Variants in FAM53A observed in about 807,000 individuals in gnomAD.
The protein encoded by FAM53A is family with sequence similarity 53 member A, also known as protein FAM53A.
A neutral mutation model predicts 26.6 loss-of-function variants in FAM53A; 28 were observed. The observed-to-expected ratio is 1.05, with a 90% CI of 0.78 to 1.45. The LOEUF (loss-of-function observed/expected upper bound fraction) is 1.45, where lower values mean the gene tolerates loss of function less well. FAM53A is among the 40% of genes most tolerant of loss of function. The pLI, the probability that FAM53A is intolerant of heterozygous loss-of-function variation, is 0.00. For missense variants in FAM53A, 650 were observed against 575.8 expected (o/e 1.13, Z -1.32); for synonymous variants, 290 against 253.1 (o/e 1.15, Z -1.38).
chr4:1,601,186 G>A, the FAM53A span, among the ~76,000 whole-genome samples: 14 of 152,162 alleles, frequency 9.2e-5, 1 homozygote, highest in East Asian at 5.8e-4. Context: ...GGCTGCCAAC[G>A]GGCAGGGCCA....
intron 1 of FAM53A, among the ~76,000 whole-genome samples, chr4:1,678,482 G>A (rs1715190784): frequency 1.3e-5 from 2 of 152,206 alleles, no homozygotes; most frequent in Non-Finnish European, 2.9e-5. Flanking sequence ...AGAGAACAGA[G>A]AGTCTTTTCA....
intron 1 of FAM53A, among the ~76,000 whole-genome samples, chr4:1,618,652 CT>C (rs1308653347): frequency 2.0e-5 from 3 of 152,206 alleles, no homozygotes; most frequent in Admixed American, 1.3e-4. Flanking sequence ...CCAAAGATGC[CT>C]TTCCCTTCTG....
chr4:1,681,195 C>T (rs1424637090), intron 1 of FAM53A, among the ~76,000 whole-genome samples: 2 of 152,088 alleles, frequency 1.3e-5, no homozygotes, highest in Non-Finnish European at 2.9e-5. Context: ...CTCCCGAGTT[C>T]AAGTGATTCT....
chr4:1,629,510 A>ATGGCCT (rs1178600703), intron 1 of FAM53A, among the ~76,000 whole-genome samples: 1 of 152,198 alleles, frequency 6.6e-6, no homozygotes, highest in Non-Finnish European at 1.5e-5. Flanking sequence ...GCCACTGGCC[A>ATGGCCT]TGGCCTTGGC....
chr4:1,598,978 T>C, the FAM53A span, among the ~76,000 whole-genome samples: 1 of 152,270 alleles, frequency 6.6e-6, no homozygotes, highest in African/African-American at 2.4e-5. Context: ...CTCTCCTCTC[T>C]GTAGCGTGCG....
intron 1 of FAM53A, among the ~76,000 whole-genome samples, chr4:1,682,610 GA>G (rs1189960939): frequency 6.6e-6 from 1 of 152,012 alleles, no homozygotes; most frequent in African/African-American, 2.4e-5. Context: ...ATGCACCGGT[GA>G]AAAATACCTG....
the FAM53A span, among the ~76,000 whole-genome samples, chr4:1,600,593 G>A: frequency 2.6e-5 from 4 of 152,290 alleles, no homozygotes; most frequent in East Asian, 1.9e-4. Flanking sequence ...TGCTGTGGCC[G>A]GCACACTGCG....
At chr4:1,628,918 A>G (rs577724313) in intron 1 of FAM53A, among the ~76,000 whole-genome samples, 20 of 151,842 alleles carry the variant, frequency 1.3e-4, no homozygotes, top group African/African-American at 4.6e-4. Flanking sequence ...GTAGCCCAAG[A>G]TAAGGGGGCC....
At chr4:1,678,407 C>T (rs798732) in intron 1 of FAM53A, among the ~76,000 whole-genome samples, 149,431 of 152,360 alleles carry the variant, frequency 0.98, 73,348 homozygotes, top group East Asian at 1. Flanking sequence ...ACAGGCAGAA[C>T]AGAGAGCCCA....
At chr4:1,631,982 A>G (rs1480377848) in intron 1 of FAM53A, among the ~76,000 whole-genome samples, 3 of 151,976 alleles carry the variant, frequency 2.0e-5, no homozygotes, top group Admixed American at 2.0e-4. Flanking sequence ...GGCCAACATG[A>G]TGAAACCCCG....
At chr4:1,636,269 T>C (rs371981743), downstream of FAM53A, among the ~76,000 whole-genome samples, 6 of 152,198 alleles carry the variant, frequency 3.9e-5, no homozygotes, top group East Asian at 1.9e-4. Flanking sequence ...CCCCATTCCA[T>C]AGACACCCCT....
chr4:1,585,594 ACC>A, the FAM53A span, among the ~76,000 whole-genome samples: 5 of 151,256 alleles, frequency 3.3e-5, no homozygotes, highest in Admixed American at 6.6e-5. Flanking sequence ...CAATGTCTCT[ACC>A]CTCTACATCT....
At chr4:1,617,024 C>A (rs1714835207), downstream of FAM53A, among the ~76,000 whole-genome samples, 1 of 143,910 alleles carries the variant, frequency 6.9e-6, no homozygotes, top group Non-Finnish European at 1.5e-5. Flanking sequence ...GTTGTCCCAA[C>A]TACTAAGGAG....
intron 4 of FAM53A, among the ~76,000 whole-genome samples, chr4:1,643,238 G>A (rs573998973): frequency 9.9e-5 from 15 of 152,230 alleles, no homozygotes; most frequent in African/African-American, 2.2e-4. Flanking sequence ...AGGCCGGGGC[G>A]GGCGGATCAC....
At chr4:1,684,471 C>T (rs1195191744), upstream of FAM53A, among the ~76,000 whole-genome samples, 2 of 150,266 alleles carry the variant, frequency 1.3e-5, no homozygotes, top group South Asian at 4.1e-4. Flanking sequence ...TCCAGGCGCC[C>T]AGGCTCGCAC....
At chr4:1,676,335 G>T (rs1016293092) in intron 1 of FAM53A, among the ~76,000 whole-genome samples, 6 of 152,140 alleles carry the variant, frequency 3.9e-5, no homozygotes, top group Admixed American at 2.0e-4. Context: ...CATTTTATAA[G>T]GATATCAGTC....
At chr4:1,681,245 C>T (rs896682497) in intron 1 of FAM53A, among the ~76,000 whole-genome samples, 2 of 152,104 alleles carry the variant, frequency 1.3e-5, no homozygotes, top group East Asian at 1.9e-4. Flanking sequence ...TGCAGGCACC[C>T]GCCACCACAT....
At position 1,682,408 on chromosome 4, in the gene FAM53A, A is replaced by G. The variant is rs189347047; in HGVS notation, c.-165+1825T>C. The stretch of plus-strand genomic sequence containing the variant: ...CTCCCGAGTAGCTGGGATTACAGGC[A>G]CGCACCACCACACCCAGTTAATTTT... On this transcript the variant is annotated intron_variant, in intron 1 of 4. Transcript: ENST00000308132. Among the ~76,000 whole-genome samples the G allele has an allele frequency of 6.8e-3, 1,026 of 151,840 alleles. 14 individuals are homozygous for G. The highest frequency in any genetic ancestry group is 0.024 in the African/African-American group (974 of 41,394).
rs1196968063 is a variant in FAM53A at position 1,682,240 on chromosome 4, G to C, written c.-165+1993C>G. Among the ~76,000 whole-genome samples, 9 of 148,330 alleles carry C rather than the reference G, an allele frequency of 6.1e-5. No individual in the cohort carries two copies. The South Asian group carries it at 1.5e-3, about 25-fold the overall frequency. On this transcript the variant is annotated intron_variant, in intron 1 of 4. Transcript: ENST00000308132. ...TATCATTGCAGAAAATGCCAAAAGA[G>C]TTTATATAAAAATTTTTAATTTCCT...
Sources: allele counts gnomAD v4.1 joint callset (sites outside exome capture counted in the v4.1 genomes callset), GRCh38; gene constraint gnomAD v4.1.1; transcripts MANE v1.5; gene names NCBI Gene and HGNC (gene_info 2026-07-23, HGNC 2026-07-21).